Variants in PPP2R5E observed in about 807,000 individuals in gnomAD.
PPP2R5E encodes the protein protein phosphatase 2 regulatory subunit B'epsilon.
A neutral mutation model predicts 65.3 loss-of-function variants in PPP2R5E; 4 were observed. The ratio of observed to expected loss-of-function variants is 0.06; its 90% CI spans 0.03 to 0.14. PPP2R5E has a LOEUF of 0.14. Ranked by LOEUF, PPP2R5E falls within the 10% of genes least tolerant of loss-of-function variation. The probability of loss-of-function intolerance (pLI) is 1.00; values close to 1 mark genes in which losing one functional copy is unlikely to be tolerated. For missense variants in PPP2R5E, 274 were observed against 556.1 expected, an observed-to-expected ratio of 0.49 and a Z score of 5.10; for synonymous variants, 183 against 187.4, an observed-to-expected ratio of 0.98 and a Z score of 0.19.
intron 2 of PPP2R5E, among the ~76,000 whole-genome samples, chr14:63,505,501 CT>C (rs1032615791): frequency 1.3e-5 from 2 of 152,182 alleles, no homozygotes; most frequent in African/African-American, 4.8e-5. Context: ...ATTCACTCTG[CT>C]CTCCCCACCC....
At chr14:63,478,519 G>A (rs1318537268) in intron 2 of PPP2R5E, among the ~76,000 whole-genome samples, 1 of 152,064 alleles carries the variant, frequency 6.6e-6, no homozygotes, top group Non-Finnish European at 1.5e-5. Flanking sequence ...GAAAGCAACT[G>A]GATTCTCAAA....
intron 3 of PPP2R5E, among the ~76,000 whole-genome samples, chr14:63,433,787 G>T (rs769240024): frequency 6.6e-6 from 1 of 152,130 alleles, no homozygotes; most frequent in Non-Finnish European, 1.5e-5. Flanking sequence ...ACTTTCCAGC[G>T]AATCTCCTGT....
chr14:63,496,894 A>C (rs1468086727), intron 2 of PPP2R5E, among the ~76,000 whole-genome samples: 2 of 151,994 alleles, frequency 1.3e-5, no homozygotes, highest in Non-Finnish European at 2.9e-5. Flanking sequence ...GTTTAAAAAA[A>C]AAAAAAGGTA....
intron 11 of PPP2R5E, 58 bp downstream of exon 11, chr14:63,389,554 A>T: frequency 6.6e-7 from 1 of 1,522,526 alleles, no homozygotes; most frequent in Non-Finnish European, 8.8e-7. Context: ...TTTTGAAACA[A>T]ATAAAATTTA....
chr14:63,456,056 C>T (rs775684299), intron 2 of PPP2R5E, among the ~76,000 whole-genome samples: 12 of 152,246 alleles, frequency 7.9e-5, no homozygotes, highest in Non-Finnish European at 1.0e-4. Context: ...CATGAGCCAC[C>T]GCCCTGGCCA....
intron 2 of PPP2R5E, among the ~76,000 whole-genome samples, chr14:63,509,267 CTTTTTTTT>C (rs10553696): frequency 1.6e-4 from 17 of 108,060 alleles, no homozygotes; most frequent in East Asian, 2.5e-4. Flanking sequence ...TTAAAATATC[CTTTTTTTT>C]TTTTTTTTTT....
chr14:63,441,228 T>G (rs1450072036), intron 3 of PPP2R5E, among the ~76,000 whole-genome samples: 4 of 152,208 alleles, frequency 2.6e-5, no homozygotes, highest in African/African-American at 9.6e-5. Flanking sequence ...CACACCTTTG[T>G]GAAGAGACTC....
At chr14:63,530,232 T>TTTC (rs1566765540) in intron 2 of PPP2R5E, among the ~76,000 whole-genome samples, 1 of 145,218 alleles carries the variant, frequency 6.9e-6, no homozygotes. Context: ...TTCCGTTTTT[T>TTTC]TTTTTTTTTT....
intron 2 of PPP2R5E, among the ~76,000 whole-genome samples, chr14:63,534,094 T>TG (rs1474066857): frequency 2.0e-5 from 3 of 152,176 alleles, no homozygotes; most frequent in Non-Finnish European, 4.4e-5. Context: ...CACAGGAGGC[T>TG]GGGGTGAGGA....
At chr14:63,534,538 T>C (rs950775767) in intron 2 of PPP2R5E, among the ~76,000 whole-genome samples, 8 of 152,322 alleles carry the variant, frequency 5.3e-5, no homozygotes, top group African/African-American at 1.9e-4. Context: ...AGATTTTACT[T>C]TCTTATCAAG....
At chr14:63,399,366 C>CATTTT (rs1885604485) in intron 5 of PPP2R5E, among the ~76,000 whole-genome samples, 2 of 48,504 alleles carry the variant, frequency 4.1e-5, no homozygotes, top group Non-Finnish European at 7.2e-5. Flanking sequence ...GGATTTCTTT[C>CATTTT]TTTTTTTTTT....
intron 13 of PPP2R5E, among the ~76,000 whole-genome samples, chr14:63,379,564 G>C (rs928078351): frequency 9.7e-4 from 148 of 152,260 alleles, no homozygotes; most frequent in African/African-American, 3.5e-3. Flanking sequence ...GAGCCACTAC[G>C]CCTGGCCCCC....
At chr14:63,514,115 A>C (rs1892568451) in intron 2 of PPP2R5E, among the ~76,000 whole-genome samples, 1 of 152,242 alleles carries the variant, frequency 6.6e-6, no homozygotes, top group Non-Finnish European at 1.5e-5. Context: ...TCAAGACTGC[A>C]CCAAAAGTCA....
At chr14:63,508,553 C>T (rs894574392) in intron 2 of PPP2R5E, among the ~76,000 whole-genome samples, 1 of 152,292 alleles carries the variant, frequency 6.6e-6, no homozygotes, top group South Asian at 2.1e-4. Flanking sequence ...TCTCAATATT[C>T]CCCTTTTTAC....
intron 2 of PPP2R5E, among the ~76,000 whole-genome samples, chr14:63,476,900 GAAC>G (rs1594918739): frequency 1.3e-5 from 2 of 152,118 alleles, no homozygotes; most frequent in South Asian, 4.1e-4. Context: ...TGAAAACTAA[GAAC>G]AAGAGGAAGC....
intron 2 of PPP2R5E, among the ~76,000 whole-genome samples, chr14:63,518,102 A>T (rs554717411): frequency 1.3e-5 from 2 of 152,274 alleles, no homozygotes; most frequent in South Asian, 4.2e-4. Flanking sequence ...TAGAGACAGG[A>T]TCTCACTCTG....
At chr14:63,396,810 A>G (rs1047230479) in intron 5 of PPP2R5E, 94 bp from the exon 6 acceptor site, 5 of 1,473,552 alleles carry the variant, frequency 3.4e-6, no homozygotes, top group African/African-American at 2.8e-5. Flanking sequence ...TCCTTCCTCA[A>G]AAAATGTGTT....
chr14:63,534,413 C>T (rs77627314), intron 2 of PPP2R5E, among the ~76,000 whole-genome samples: 12,243 of 151,988 alleles, frequency 0.081, 1,225 homozygotes, highest in African/African-American at 0.23. Context: ...TATAGATGCA[C>T]ACCACTACAT....
At chr14:63,382,801 A>T (rs947988468) in intron 12 of PPP2R5E, among the ~76,000 whole-genome samples, 1 of 152,206 alleles carries the variant, frequency 6.6e-6, no homozygotes, top group Non-Finnish European at 1.5e-5. Flanking sequence ...ATTTCACCCT[A>T]AAATAAGGAT....
Sources: allele counts gnomAD v4.1 joint callset (sites outside exome capture counted in the v4.1 genomes callset), GRCh38; gene constraint gnomAD v4.1.1; transcripts MANE v1.5; gene names NCBI Gene and HGNC (gene_info 2026-07-23, HGNC 2026-07-21).